The following ARPP21 variants were observed in gnomAD, a reference collection of about 807,000 sequenced individuals.
ARPP21 encodes the protein cAMP regulated phosphoprotein 21.
ARPP21 carries 69 observed loss-of-function variants against 113.2 expected under a neutral mutation model. That is an observed-to-expected ratio of 0.61 (90% confidence interval 0.50 to 0.74). The LOEUF (loss-of-function observed/expected upper bound fraction) is 0.74. Ranked by LOEUF, ARPP21 falls within the 30% of genes least tolerant of loss-of-function variation. ARPP21 has a pLI of 0.00. For synonymous variants in ARPP21, 368 were observed against 375.5 expected (o/e 0.98, Z 0.23); for missense variants, 1,070 against 1,037.4 (o/e 1.03, Z -0.43).
chr3:35,686,682 A>G (rs947589976), intron 5 of ARPP21, among the ~76,000 whole-genome samples: 1 of 151,604 alleles, frequency 6.6e-6, no homozygotes, highest in African/African-American at 2.4e-5. Context: ...TTTTTCCTAC[A>G]TCATAAATTT....
At chr3:35,690,161 G>T in intron 8 of ARPP21, 21 bp downstream of exon 8, 1 of 1,211,088 alleles carries the variant, frequency 8.3e-7, no homozygotes, top group Non-Finnish European at 1.2e-6. Flanking sequence ...CTTCAATGCT[G>T]GTTAATTTGA....
At chr3:35,785,608 G>T (rs1464731981) in intron 19 of ARPP21, among the ~76,000 whole-genome samples, 1 of 152,148 alleles carries the variant, frequency 6.6e-6, no homozygotes, top group East Asian at 1.9e-4. Context: ...CCCTGAGCCT[G>T]CAGTAATAGG....
At chr3:35,703,897 T>G (rs1015759754) in intron 9 of ARPP21, among the ~76,000 whole-genome samples, 2 of 151,782 alleles carry the variant, frequency 1.3e-5, no homozygotes, top group African/African-American at 4.8e-5. Flanking sequence ...TGAAAGGGAG[T>G]TGAGTTTTCA....
intron 3 of ARPP21, 152 bp downstream of exon 3, chr3:35,682,032 C>T (rs2079055537): frequency 3.1e-6 from 3 of 952,964 alleles, no homozygotes; most frequent in Non-Finnish European, 4.5e-6. Flanking sequence ...ATTTTTGTCA[C>T]TTTTTGTCCT....
intron 19 of ARPP21, chr3:35,781,675 T>C (rs902758860): frequency 6.6e-6 from 1 of 152,188 alleles, no homozygotes; most frequent in Non-Finnish European, 1.5e-5. Flanking sequence ...ATTATGTACA[T>C]GAAAAGAAAG....
chr3:35,758,575 T>A (rs1353708565), intron 19 of ARPP21, among the ~76,000 whole-genome samples: 4 of 151,562 alleles, frequency 2.6e-5, no homozygotes, highest in African/African-American at 9.7e-5. Context: ...GCAACAGGAA[T>A]GTGATGAGAA....
At chr3:35,656,534 A>G (rs989495005) in intron 1 of ARPP21, among the ~76,000 whole-genome samples, 2 of 152,076 alleles carry the variant, frequency 1.3e-5, no homozygotes, top group African/African-American at 4.8e-5. Context: ...TCTCAAGGGA[A>G]TTATTCTGAG....
intron 19 of ARPP21, among the ~76,000 whole-genome samples, chr3:35,766,736 A>G (rs2095993352): frequency 6.6e-6 from 1 of 152,188 alleles, no homozygotes; most frequent in South Asian, 2.1e-4. Flanking sequence ...ATTTTACCTT[A>G]TAGATGCAAT....
chr3:35,653,768 A>G (rs1009910824), intron 1 of ARPP21, among the ~76,000 whole-genome samples: 1 of 152,074 alleles, frequency 6.6e-6, no homozygotes, highest in African/African-American at 2.4e-5. Flanking sequence ...CTTTCTCTAC[A>G]TGTACTGACT....
Position 35,659,017 on chromosome 3 carries a change from T to C in ARPP21, c.-213+18619T>C, listed in dbSNP as rs185943747. ...TCCTCATATTTAAATGATAAAGTCTTTGAATTTCACAGATAATGTTTGGAT... is the reference window on the plus strand; with the variant it reads ...TCCTCATATTTAAATGATAAAGTCTCTGAATTTCACAGATAATGTTTGGAT... On this transcript the variant is annotated intron_variant, in intron 1 of 20. Transcript: ENST00000684406. Among the ~76,000 whole-genome samples the C allele has an allele frequency of 1.3e-3, 194 of 152,278 alleles. 2 individuals carry two copies. The highest frequency in any genetic ancestry group is 3.7e-3 in the African/African-American group (153 of 41,552).
At chr3:35,661,745 G>T (rs1323885920) in intron 1 of ARPP21, among the ~76,000 whole-genome samples, 1 of 152,134 alleles carries the variant, frequency 6.6e-6, no homozygotes, top group Non-Finnish European at 1.5e-5. Context: ...GAGGCACAGT[G>T]GATGCCTTTG....
At chr3:35,767,497 ATT>A (rs1373707595) in intron 19 of ARPP21, among the ~76,000 whole-genome samples, 1 of 152,148 alleles carries the variant, frequency 6.6e-6, no homozygotes, top group Non-Finnish European at 1.5e-5. Flanking sequence ...TAAGAAAATA[ATT>A]TTGTTTGTAA....
chr3:35,748,069 A>AG (rs201226321), intron 19 of ARPP21, among the ~76,000 whole-genome samples: 9,333 of 97,864 alleles, frequency 0.095, 445 homozygotes, highest in Non-Finnish European at 0.12. Context: ...GAAGGAAGGA[A>AG]GAAAGAAAGA....
intron 11 of ARPP21, among the ~76,000 whole-genome samples, chr3:35,713,053 G>A (rs1342854210): frequency 1.3e-5 from 2 of 152,164 alleles, no homozygotes; most frequent in South Asian, 4.1e-4. Flanking sequence ...AGGGCATGTG[G>A]TGCCACCAGA....
chr3:35,712,314 T>C (rs1399811043), intron 11 of ARPP21, among the ~76,000 whole-genome samples: 1 of 152,210 alleles, frequency 6.6e-6, no homozygotes, highest in African/African-American at 2.4e-5. Flanking sequence ...AAAGCGGCTT[T>C]CCTTGGCAAT....
At chr3:35,660,466 CT>C (rs1707206073) in intron 1 of ARPP21, among the ~76,000 whole-genome samples, 1 of 152,168 alleles carries the variant, frequency 6.6e-6, no homozygotes, top group South Asian at 2.1e-4. Context: ...GTGCACCTCA[CT>C]TTTTGCCCCT....
intron 1 of ARPP21, among the ~76,000 whole-genome samples, chr3:35,667,990 GAA>G (rs2075174944): frequency 1.4e-5 from 2 of 148,070 alleles, no homozygotes; most frequent in African/African-American, 2.5e-5. Flanking sequence ...AGAAGAAGAA[GAA>G]GAAGAAGAAG....
chr3:35,733,763 G>T (rs1478154845), intron 15 of ARPP21, among the ~76,000 whole-genome samples: 1 of 151,912 alleles, frequency 6.6e-6, no homozygotes, highest in African/African-American at 2.4e-5. Context: ...TCTCCCCTTG[G>T]TGAGCATAAA....
intron 10 of ARPP21, among the ~76,000 whole-genome samples, chr3:35,708,100 C>T (rs149921174): frequency 1.9e-4 from 29 of 152,000 alleles, no homozygotes; most frequent in Admixed American, 1.6e-3. Context: ...ATTTGTATCT[C>T]GTTTCCTCCC....
Sources: allele counts gnomAD v4.1 joint callset (sites outside exome capture counted in the v4.1 genomes callset), GRCh38; gene constraint gnomAD v4.1.1; transcripts MANE v1.5; gene names NCBI Gene and HGNC (gene_info 2026-07-23, HGNC 2026-07-21).